The following RELN variants were observed in gnomAD, a reference collection of about 807,000 sequenced individuals.
RELN encodes the protein reelin.
RELN carries 108 observed loss-of-function variants against 427.6 expected under a neutral mutation model. The ratio of observed to expected loss-of-function variants is 0.25; its 90% CI spans 0.22 to 0.30. RELN has a LOEUF of 0.30. Ranked by LOEUF, RELN falls within the 10% of genes least tolerant of loss-of-function variation. RELN has a pLI of 1.00. For synonymous variants in RELN, 1,524 were observed against 1,513.4 expected (o/e 1.01, Z -0.16); for missense variants, 3,715 against 4,302.8 (o/e 0.86, Z 3.82).
At position 103,723,203 on chromosome 7, in the gene RELN, A is replaced by T; in HGVS notation, c.754-12T>A. 6.5e-7 allele frequency: 1 copy of T among 1,528,762 alleles called. No homozygotes were observed. The allele number at this position is 1,528,762 out of a possible 1,614,324, so 94.7% of individuals were successfully genotyped here. ...AGGCCTGTGGTAATCTAAAGAAAAA[A>T]GAATACATAAAAATAAGACAAGACA... On this transcript the variant is annotated splice_polypyrimidine_tract_variant and intron_variant, in intron 7 of 64. Transcript: ENST00000428762.
intron 3 of RELN, among the ~76,000 whole-genome samples, chr7:103,809,466 GGA>G (rs1270880141): frequency 6.6e-6 from 1 of 152,068 alleles, no homozygotes; most frequent in Non-Finnish European, 1.5e-5. Flanking sequence ...GCCACCTCCA[GGA>G]GAGATTTATT....
chr7:103,657,305 C>T lies in RELN; in HGVS notation c.1442-3100G>A, dbSNP rs908492911. Among the ~76,000 whole-genome samples the T allele has an allele frequency of 3.2e-4, 48 of 151,888 alleles. 2 individuals carry two copies. The highest frequency in any genetic ancestry group is 1.1e-3 in the African/African-American group (45 of 41,444). ...TACTAAAGCCATTGTAATTGATGGT[C>T]TCTGGAGAAAAAATCCACGTGAAAA... On this transcript the variant is annotated intron_variant, in intron 12 of 64. Transcript: ENST00000428762.
chr7:103,791,286 GA>G (rs1427070278), intron 3 of RELN, among the ~76,000 whole-genome samples: 1 of 152,110 alleles, frequency 6.6e-6, no homozygotes, highest in African/African-American at 2.4e-5. Flanking sequence ...GGGCTCAGAA[GA>G]GTCAAAATAA....
chr7:103,931,460 C>A (rs1377022465), intron 1 of RELN, among the ~76,000 whole-genome samples: 9 of 152,326 alleles, frequency 5.9e-5, no homozygotes, highest in African/African-American at 2.2e-4. Context: ...ACACATCTGA[C>A]ATCCCTTGGT....
chr7:103,914,401 T>C (rs1044492003), intron 2 of RELN, among the ~76,000 whole-genome samples: 1 of 152,098 alleles, frequency 6.6e-6, no homozygotes, highest in Admixed American at 6.6e-5. Context: ...CAGCCAAGTC[T>C]CCTCAAGTCA....
rs149315591 is a variant in RELN at position 103,926,301 on chromosome 7, G to C, written c.227-9116C>G. Among the ~76,000 whole-genome samples, 275 of 151,868 alleles carry C rather than the reference G, an allele frequency of 1.8e-3. 9 individuals are homozygous for C. In the East Asian group the frequency reaches 0.047, roughly 26 times the overall value. On this transcript the variant is annotated intron_variant, in intron 1 of 64. Coordinates refer to ENST00000428762, the MANE Select transcript of RELN (RefSeq NM_005045.4). Reference sequence around the variant, plus strand: ...AGTAGAGATGGGGTTTCACCATGTTGGCCAGGATGGTCTCGATCTCTTGAC... The same window carrying C: ...AGTAGAGATGGGGTTTCACCATGTTCGCCAGGATGGTCTCGATCTCTTGAC...
chr7:103,757,186 A>G (rs649365), intron 4 of RELN, among the ~76,000 whole-genome samples: 85,899 of 152,004 alleles, frequency 0.57, 25,749 homozygotes, highest in Non-Finnish European at 0.69. Context: ...CTTATATTAT[A>G]TGAACTTGGT....
chr7:103,605,118 C>G (rs1441266655), intron 22 of RELN, among the ~76,000 whole-genome samples: 2 of 152,206 alleles, frequency 1.3e-5, no homozygotes, highest in Admixed American at 6.5e-5. Flanking sequence ...GCGTAAGCCA[C>G]CGCGCCCTGC....
intron 1 of RELN, among the ~76,000 whole-genome samples, chr7:103,960,758 A>G (rs1193628226): frequency 1.3e-5 from 2 of 152,192 alleles, no homozygotes; most frequent in African/African-American, 4.8e-5. Flanking sequence ...TGCTGTGAGG[A>G]TGCCTGTGAA....
intron 28 of RELN, among the ~76,000 whole-genome samples, chr7:103,582,793 T>C (rs1009389128): frequency 6.6e-6 from 1 of 152,212 alleles, no homozygotes; most frequent in African/African-American, 2.4e-5. Context: ...GTCTATAGAT[T>C]GTTAAGCTTT....
intron 2 of RELN, among the ~76,000 whole-genome samples, chr7:103,836,227 C>G (rs1197233728): frequency 2.6e-5 from 4 of 152,104 alleles, no homozygotes; most frequent in Admixed American, 2.6e-4. Context: ...CCCAAAATGC[C>G]AGGTTTACAG....
chr7:103,858,520 T>C (rs2116484665), intron 2 of RELN, among the ~76,000 whole-genome samples: 1 of 152,316 alleles, frequency 6.6e-6, no homozygotes, highest in African/African-American at 2.4e-5. Context: ...AGAAATAAGA[T>C]AATTTTCATG....
chr7:103,855,853 A>G (rs770380012), intron 2 of RELN, among the ~76,000 whole-genome samples: 1 of 152,124 alleles, frequency 6.6e-6, no homozygotes, highest in Non-Finnish European at 1.5e-5. Context: ...TTAGGAGGCC[A>G]CCCTACTCCA....
intron 26 of RELN, 132 bp from the exon 27 acceptor site, chr7:103,594,014 T>C: frequency 1.3e-6 from 1 of 757,076 alleles, no homozygotes; most frequent in Non-Finnish European, 2.2e-6. Flanking sequence ...AATCTCTATT[T>C]TTTTTTACTG....
rs780853306 is a variant in RELN, at chr7:103,989,297, C to G, written c.60G>C (p.Thr20=). 5.6e-6 allele frequency: 9 copies of G among 1,612,632 alleles called. No individual in the cohort carries two copies. Among genetic ancestry groups the G allele is most frequent in the Non-Finnish European group, 7.6e-6 (9 of 1,179,810 alleles). The change falls in exon 1 of 65, where the codon ACG becomes ACC. Residue 20 remains threonine, a synonymous_variant. Coordinates refer to ENST00000428762, the MANE Select transcript of RELN (RefSeq NM_005045.4). The surrounding 1 kb of genome is among the most constrained non-coding windows in gnomAD (Gnocchi z 4.9). Reference sequence around the variant, plus strand: ...AGCCAGCCGCCGCGCGCGCCCTCAGCGTCGCCCCCAGCAACAGCGCTAGGA... The same window carrying G: ...AGCCAGCCGCCGCGCGCGCCCTCAGGGTCGCCCCCAGCAACAGCGCTAGGA... The part of the protein sequence containing the change: ...TFLLALLLGA[T]LRARAAAGYY...
intron 4 of RELN, among the ~76,000 whole-genome samples, chr7:103,773,244 TCTCTCTCCCTCCCTCC>T (rs1304135469): frequency 2.9e-5 from 4 of 138,674 alleles, no homozygotes; most frequent in East Asian, 4.5e-4. Context: ...CCTCCCTGTC[TCTCTCTCCCTCCCTCC>T]CTCTCTCCCT....
chr7:103,649,066 C>T (rs1374917004), intron 16 of RELN, among the ~76,000 whole-genome samples: 1 of 151,966 alleles, frequency 6.6e-6, no homozygotes, highest in Non-Finnish European at 1.5e-5. Flanking sequence ...ACCATTTGAT[C>T]CAGCAACCTC....
At chr7:103,853,471 A>C (rs1440164718) in intron 2 of RELN, among the ~76,000 whole-genome samples, 2 of 151,942 alleles carry the variant, frequency 1.3e-5, no homozygotes, top group African/African-American at 4.8e-5. Context: ...TTTAGGCTTT[A>C]TGTAGAAAAT....
chr7:103,785,283 A>G (rs1791988994), intron 3 of RELN, among the ~76,000 whole-genome samples: 2 of 152,166 alleles, frequency 1.3e-5, no homozygotes, highest in Admixed American at 1.3e-4. Context: ...AAGTAAGCCT[A>G]TGGTCACTTG....
Sources: gnomAD v4.1 joint callset for allele counts (sites outside exome capture counted in the v4.1 genomes callset) on GRCh38, gnomAD v4.1.1 for gene constraint, Gnocchi (gnomAD v3.1) non-coding constraint, MANE v1.5 for transcripts, NCBI Gene and HGNC (gene_info 2026-07-23, HGNC 2026-07-21) for gene names.